The following OTUD7A variants were observed in gnomAD, a reference collection of about 807,000 sequenced individuals.
OTUD7A encodes the protein OTU deubiquitinase 7A, also known as OTU domain-containing protein 7A.
A neutral mutation model predicts 65.7 loss-of-function variants in OTUD7A; 12 were observed. The ratio of observed to expected loss-of-function variants is 0.18; its 90% CI spans 0.12 to 0.30. OTUD7A has a LOEUF of 0.30. Ranked by LOEUF, OTUD7A falls within the 10% of genes least tolerant of loss-of-function variation. OTUD7A has a pLI of 1.00. For synonymous variants in OTUD7A, 641 were observed against 586.3 expected (o/e 1.09, Z -1.35); for missense variants, 1,148 against 1,304.8 (o/e 0.88, Z 1.85).
intron 3 of OTUD7A, among the ~76,000 whole-genome samples, chr15:31,586,136 G>A (rs1210817877): frequency 1.3e-5 from 2 of 152,170 alleles, no homozygotes; most frequent in African/African-American, 2.4e-5. Context: ...CTCTAGGAGT[G>A]AATCCATTTA....
chr15:31,775,691 C>T (rs1321094376), intron 1 of OTUD7A, among the ~76,000 whole-genome samples: 1 of 152,154 alleles, frequency 6.6e-6, no homozygotes. Context: ...ACTAAATGGG[C>T]TTGTAGTTTA....
At chr15:31,681,937 T>C (rs567566368) in intron 1 of OTUD7A, among the ~76,000 whole-genome samples, 2 of 152,194 alleles carry the variant, frequency 1.3e-5, no homozygotes, top group South Asian at 2.1e-4. Flanking sequence ...GGCAGTTATA[T>C]GATGCTTAGA....
Position 31,480,972 on chromosome 15 carries a change from GTAGA to G in OTUD7A, c.*2318_*2321del, listed in dbSNP as rs2041109186. On this transcript the variant is annotated 3_prime_UTR_variant, in exon 13 of 13. Transcript: ENST00000307050. ...GTGGAGGTAACTTGGAAATGCAAGG[GTAGA>G]ATAGGTCCTGGTGTTTTGATAATTA... is the stretch of plus-strand genomic sequence containing the variant. 6.6e-6 allele frequency: 1 copy of G among 152,268 alleles called. No homozygotes were observed. Among genetic ancestry groups the G allele is most frequent in the Non-Finnish European group, 1.5e-5 (1 of 68,052 alleles). The allele number at this position is 152,268 out of a possible 1,614,324, so 9.4% of individuals were successfully genotyped here. A position where few individuals can be genotyped will look rare whatever the true frequency, so the allele number is the denominator to read the frequency against.
chr15:31,687,266 C>A (rs538361529), intron 1 of OTUD7A, among the ~76,000 whole-genome samples: 1 of 152,152 alleles, frequency 6.6e-6, no homozygotes, highest in South Asian at 2.1e-4. Flanking sequence ...GAGTGCACAT[C>A]GGGACAGTGT....
chr15:31,499,123 T>C (rs1159428013), intron 10 of OTUD7A, among the ~76,000 whole-genome samples: 1 of 152,178 alleles, frequency 6.6e-6, no homozygotes, highest in Non-Finnish European at 1.5e-5. Flanking sequence ...ATGGGGCATG[T>C]AAACAGAGGA....
intron 1 of OTUD7A, among the ~76,000 whole-genome samples, chr15:31,824,913 T>C (rs1896763132): frequency 6.6e-6 from 1 of 152,214 alleles, no homozygotes; most frequent in Admixed American, 6.5e-5. Flanking sequence ...GCAGCTAAGC[T>C]CTCTGATTTA....
intron 1 of OTUD7A, among the ~76,000 whole-genome samples, chr15:31,711,739 A>G (rs1255459899): frequency 7.6e-6 from 1 of 132,078 alleles, no homozygotes. Flanking sequence ...AAAAGAATGC[A>G]TATTTGAGAT....
intron 1 of OTUD7A, among the ~76,000 whole-genome samples, chr15:31,694,311 C>T (rs1289964251): frequency 5.3e-5 from 8 of 152,176 alleles, no homozygotes; most frequent in Non-Finnish European, 8.8e-5. Context: ...CCTTGTCCCC[C>T]ACTCCTACCT....
At chr15:31,555,309 C>T (rs1888453797) in intron 5 of OTUD7A, among the ~76,000 whole-genome samples, 1 of 152,150 alleles carries the variant, frequency 6.6e-6, no homozygotes, top group South Asian at 2.1e-4. Flanking sequence ...CTAGAACTGT[C>T]CCTTAAACAA....
At chr15:31,757,586 C>T (rs183129406) in intron 1 of OTUD7A, among the ~76,000 whole-genome samples, 4 of 152,098 alleles carry the variant, frequency 2.6e-5, no homozygotes, top group East Asian at 1.9e-4. Context: ...ACCAGCCAGC[C>T]GCAACGTATT....
chr15:31,615,365 C>T (rs12914358), intron 3 of OTUD7A, among the ~76,000 whole-genome samples: 43,681 of 152,016 alleles, frequency 0.29, 7,410 homozygotes, highest in African/African-American at 0.47. Flanking sequence ...GAAAATAAAA[C>T]TTTAGTAATG....
Position 31,814,546 on chromosome 15 carries a change from CAG to C in OTUD7A, c.-100+55959_-100+55960del, listed in dbSNP as rs959953301. ...TAAGTTCTTTTTTTTTTTTTTGAGA[CAG>C]AGTCTCGCTTTGTTGCCCAGGCTGG... On this transcript the variant is annotated intron_variant, in intron 1 of 12. Coordinates refer to ENST00000307050, the MANE Select transcript of OTUD7A (RefSeq NM_001382637.1). Among the ~76,000 whole-genome samples, 982 of 147,926 alleles carry C rather than the reference CAG, an allele frequency of 6.6e-3. 16 individuals are homozygous for C. Among genetic ancestry groups the C allele is most frequent in the African/African-American group, 0.023 (907 of 39,816 alleles).
chr15:31,869,088 A>C (rs768207216), intron 1 of OTUD7A, among the ~76,000 whole-genome samples: 3 of 152,240 alleles, frequency 2.0e-5, no homozygotes, highest in Non-Finnish European at 4.4e-5. Flanking sequence ...AGATACTCAG[A>C]TTGCCTTGGG....
rs887299028 is a variant in OTUD7A at position 31,487,125 on chromosome 15, C to A, written c.1371+69G>T. The A allele has an allele frequency of 1.4e-6, 2 of 1,477,816 alleles. No homozygotes were observed. The highest frequency in any genetic ancestry group is 2.8e-5 in the African/African-American group (2 of 71,886). 91.5% of individuals were successfully genotyped at this position (1,477,816 alleles called of 1,614,324 possible). On this transcript the variant is annotated intron_variant, in intron 12 of 12. Coordinates refer to ENST00000307050, the MANE Select transcript of OTUD7A (RefSeq NM_001382637.1). The surrounding 1 kb of genome is among the most constrained non-coding windows in gnomAD (Gnocchi z 6.0). ...TGTGGGAGCATTTGGGAGGATGCACCCTGGTCAGACTGGAGCTGAGCAGCC... is the reference window on the plus strand; with the variant it reads ...TGTGGGAGCATTTGGGAGGATGCACACTGGTCAGACTGGAGCTGAGCAGCC...
intron 3 of OTUD7A, among the ~76,000 whole-genome samples, chr15:31,626,280 C>A (rs527416950): frequency 6.6e-6 from 1 of 152,176 alleles, no homozygotes; most frequent in East Asian, 1.9e-4. Flanking sequence ...CTACAACTTA[C>A]CTTGAAATAT....
chr15:31,569,089 G>A (rs554745053), intron 4 of OTUD7A, among the ~76,000 whole-genome samples: 59 of 152,254 alleles, frequency 3.9e-4, no homozygotes, highest in African/African-American at 7.5e-4. Context: ...GGAAACACCC[G>A]GTTTCACACA....
At chr15:31,500,029 C>G (rs1038170302) in intron 10 of OTUD7A, among the ~76,000 whole-genome samples, 1 of 152,176 alleles carries the variant, frequency 6.6e-6, no homozygotes, top group African/African-American at 2.4e-5. Context: ...AGGAGGGGGT[C>G]GGGTATCTGA....
intron 3 of OTUD7A, among the ~76,000 whole-genome samples, chr15:31,645,642 T>G (rs1426734461): frequency 6.6e-6 from 1 of 152,252 alleles, no homozygotes; most frequent in Non-Finnish European, 1.5e-5. Flanking sequence ...CCAGTAAATG[T>G]TAAGTGCTCA....
intron 1 of OTUD7A, among the ~76,000 whole-genome samples, chr15:31,710,645 G>A (rs1893418856): frequency 6.6e-6 from 1 of 152,242 alleles, no homozygotes; most frequent in South Asian, 2.1e-4. Flanking sequence ...GGAATGATCT[G>A]TGAATGTCTG....
Sources: allele counts gnomAD v4.1 joint callset (sites outside exome capture counted in the v4.1 genomes callset), GRCh38; gene constraint gnomAD v4.1.1; non-coding constraint Gnocchi (gnomAD v3.1); transcripts MANE v1.5; gene names NCBI Gene and HGNC (gene_info 2026-07-23, HGNC 2026-07-21).